Variants in TBC1D5 observed in about 807,000 individuals in gnomAD.
TBC1D5 encodes TBC1 domain family, member 5.
A neutral mutation model predicts 100.3 loss-of-function variants in TBC1D5; 75 were observed. The ratio of observed to expected loss-of-function variants is 0.75; its 90% CI spans 0.62 to 0.91. The LOEUF is 0.91. TBC1D5 is among the 40% of genes least tolerant of loss of function. TBC1D5 has a pLI of 0.00. For missense variants in TBC1D5, 910 were observed against 942.4 expected, an observed-to-expected ratio of 0.97 and a Z score of 0.45; for synonymous variants, 323 against 325.6, an observed-to-expected ratio of 0.99 and a Z score of 0.09.
At chr3:17,579,521 T>TA (rs2096679434) in intron 2 of TBC1D5, among the ~76,000 whole-genome samples, 1 of 152,114 alleles carries the variant, frequency 6.6e-6, no homozygotes, top group Non-Finnish European at 1.5e-5. Flanking sequence ...TAAGCCCTTG[T>TA]AAAAATGAGT....
At chr3:17,500,810 T>C (rs2095778365) in intron 3 of TBC1D5, among the ~76,000 whole-genome samples, 1 of 149,462 alleles carries the variant, frequency 6.7e-6, no homozygotes, top group African/African-American at 2.5e-5. Context: ...CCTTCCTCTT[T>C]CCTTTGATTT....
Position 17,274,215 on chromosome 3 carries a change from G to A in TBC1D5, c.1246-15624C>T, listed in dbSNP as rs150323502. Among the ~76,000 whole-genome samples the A allele has an allele frequency of 2.8e-3, 432 of 152,300 alleles. 2 individuals carry two copies. Among genetic ancestry groups the A allele is most frequent in the African/African-American group, 9.7e-3 (403 of 41,572 alleles). On this transcript the variant is annotated intron_variant, in intron 15 of 21. Coordinates refer to ENST00000253692, the Ensembl canonical transcript of TBC1D5. Reference sequence around the variant, plus strand: ...GATGAAATCCTTTAGGGCATCAACTGTGTTACCTCTAAGATACTGAAATCT... The same window carrying A: ...GATGAAATCCTTTAGGGCATCAACTATGTTACCTCTAAGATACTGAAATCT...
At chr3:17,611,956 A>C (rs2153621362) in intron 2 of TBC1D5, among the ~76,000 whole-genome samples, 1 of 152,316 alleles carries the variant, frequency 6.6e-6, no homozygotes, top group East Asian at 1.9e-4. Flanking sequence ...TATTCTGAAT[A>C]TTATTTGTTG....
intron 17 of TBC1D5, among the ~76,000 whole-genome samples, chr3:17,223,373 T>C (rs555805038): frequency 2.2e-4 from 34 of 152,190 alleles, no homozygotes; most frequent in Non-Finnish European, 4.0e-4. Context: ...TTCAGCAATG[T>C]GATATTTGCA....
chr3:17,322,209 A>T (rs568337619), intron 13 of TBC1D5, among the ~76,000 whole-genome samples: 1 of 152,338 alleles, frequency 6.6e-6, no homozygotes, highest in South Asian at 2.1e-4. Context: ...ACTTTGTCTG[A>T]TATGAACATC....
At chr3:17,380,870 T>C (rs887624756) in intron 9 of TBC1D5, among the ~76,000 whole-genome samples, 3 of 152,100 alleles carry the variant, frequency 2.0e-5, no homozygotes, top group Non-Finnish European at 4.4e-5. Flanking sequence ...GATAACAGTC[T>C]CATTAATTCA....
chr3:17,230,393 T>A (rs949043625), intron 17 of TBC1D5, among the ~76,000 whole-genome samples: 35 of 152,286 alleles, frequency 2.3e-4, no homozygotes, highest in Admixed American at 1.8e-3. Context: ...TATTTTTTTC[T>A]CCTGGAAGAA....
intron 1 of TBC1D5, among the ~76,000 whole-genome samples, chr3:17,660,418 A>G (rs2066525385): frequency 6.6e-6 from 1 of 152,212 alleles, no homozygotes; most frequent in South Asian, 2.1e-4. Flanking sequence ...ACCAAATGCT[A>G]TAATACCATC....
chr3:17,591,242 A>AAAAC (rs2096767321), intron 2 of TBC1D5, among the ~76,000 whole-genome samples: 1 of 104,984 alleles, frequency 9.5e-6, no homozygotes. Context: ...TCAAAAAAAA[A>AAAAC]AAAAAAAAAA....
chr3:17,430,378 T>G (rs955013889), intron 3 of TBC1D5, among the ~76,000 whole-genome samples: 1 of 151,816 alleles, frequency 6.6e-6, no homozygotes, highest in Non-Finnish European at 1.5e-5. Context: ...ATAAAATCCT[T>G]CAAATAATTA....
At chr3:17,602,871 G>A (rs565795365) in intron 2 of TBC1D5, among the ~76,000 whole-genome samples, 5 of 152,030 alleles carry the variant, frequency 3.3e-5, no homozygotes, top group East Asian at 1.9e-4. Context: ...CACCGTGCCC[G>A]GCCGACAATC....
At chr3:17,560,168 T>C (rs776309839) in intron 2 of TBC1D5, among the ~76,000 whole-genome samples, 3 of 152,038 alleles carry the variant, frequency 2.0e-5, no homozygotes, top group Middle Eastern at 3.4e-3. Flanking sequence ...TAGAAAAAAA[T>C]ATAGAACAAA....
At chr3:17,318,140 C>T (rs975614168) in intron 13 of TBC1D5, among the ~76,000 whole-genome samples, 1 of 149,272 alleles carries the variant, frequency 6.7e-6, no homozygotes, top group Non-Finnish European at 1.5e-5. Context: ...AAAAACCAAA[C>T]ACCCCATATT....
intron 3 of TBC1D5, among the ~76,000 whole-genome samples, chr3:17,442,614 T>C (rs2094690414): frequency 6.6e-6 from 1 of 152,210 alleles, no homozygotes. Flanking sequence ...ACTCCTCACC[T>C]GTACATGCTC....
chr3:17,367,596 C>T (rs986092512), intron 13 of TBC1D5, among the ~76,000 whole-genome samples: 24 of 152,230 alleles, frequency 1.6e-4, no homozygotes, highest in African/African-American at 5.8e-4. Context: ...CAGTGGCTCA[C>T]ACGTGTAACC....
intron 16 of TBC1D5, among the ~76,000 whole-genome samples, chr3:17,243,490 G>A (rs1314023879): frequency 6.6e-6 from 1 of 151,952 alleles, no homozygotes; most frequent in East Asian, 1.9e-4. Flanking sequence ...CCTCCAAAAT[G>A]TGTACAATTA....
rs562856533 is a variant in TBC1D5 at position 17,551,987 on chromosome 3, T to C, written c.-35-43382A>G. Among the ~76,000 whole-genome samples, 8 of 152,238 alleles carry C rather than the reference T, an allele frequency of 5.3e-5. No individual in the cohort carries two copies. The East Asian group carries it at 1.5e-3, about 29-fold the overall frequency. The stretch of plus-strand genomic sequence containing the variant: ...TATTTTCTAACACATATGGTATGTG[T>C]TGATACCATCTTCAACATCTGCAGC... On this transcript the variant is annotated intron_variant, in intron 2 of 21. Transcript: ENST00000253692.
At chr3:17,293,964 T>C (rs1017660823) in intron 14 of TBC1D5, among the ~76,000 whole-genome samples, 2 of 152,250 alleles carry the variant, frequency 1.3e-5, no homozygotes, top group African/African-American at 4.8e-5. Flanking sequence ...AAGTCACTTG[T>C]ACAAGTTACC....
chr3:17,735,808 C>T (rs182880261), intron 1 of TBC1D5, among the ~76,000 whole-genome samples: 3 of 152,256 alleles, frequency 2.0e-5, no homozygotes, highest in East Asian at 1.9e-4. Flanking sequence ...AGGTGTGCGA[C>T]GACAGCAAAC....
Sources: allele counts gnomAD v4.1 joint callset (sites outside exome capture counted in the v4.1 genomes callset), GRCh38; gene constraint gnomAD v4.1.1; transcripts MANE v1.5; gene names NCBI Gene and HGNC (gene_info 2026-07-23, HGNC 2026-07-21).